The following SPAG16 variants were observed in gnomAD, a reference collection of about 807,000 sequenced individuals.
SPAG16 encodes sperm-associated antigen 16 protein.
In SPAG16, 86 loss-of-function variants were observed where a neutral mutation model predicts 80.4. The ratio of observed to expected loss-of-function variants is 1.07; its 90% CI spans 0.90 to 1.28. SPAG16 has a LOEUF of 1.28. SPAG16 is among the 50% of genes most tolerant of loss of function. The pLI is 0.00. For missense variants in SPAG16, 870 were observed against 765.3 expected (o/e 1.14, Z -1.61); for synonymous variants, 294 against 265.9 (o/e 1.11, Z -1.03).
chr2:213,285,904 C>A (rs1024701852), intron 1 of SPAG16: 1 of 1,289,340 alleles, frequency 7.8e-7, no homozygotes, highest in Non-Finnish European at 1.0e-6. Flanking sequence ...TATCCAGTGC[C>A]CTTGCTACTG....
At chr2:213,601,537 C>T (rs1040611523) in intron 10 of SPAG16, among the ~76,000 whole-genome samples, 4 of 152,018 alleles carry the variant, frequency 2.6e-5, no homozygotes, top group African/African-American at 9.7e-5. Flanking sequence ...ATCTACAAAC[C>T]AACATGAATG....
chr2:213,483,226 C>T (rs935840342), intron 9 of SPAG16, among the ~76,000 whole-genome samples: 6 of 152,004 alleles, frequency 3.9e-5, no homozygotes, highest in Non-Finnish European at 5.9e-5. Flanking sequence ...GTTTCTAGTC[C>T]TTCACTATAA....
chr2:213,839,549 C>G (rs1031901728), intron 10 of SPAG16, among the ~76,000 whole-genome samples: 1 of 152,104 alleles, frequency 6.6e-6, no homozygotes, highest in Non-Finnish European at 1.5e-5. Flanking sequence ...AAGTTGCAAA[C>G]TTTGAAAACA....
Position 214,247,368 on chromosome 2 carries a change from C to T in SPAG16, c.1720+98102C>T, listed in dbSNP as rs144178060. On this transcript the variant is annotated intron_variant, in intron 15 of 15. Coordinates refer to ENST00000331683, the MANE Select transcript of SPAG16 (RefSeq NM_024532.5). Reference sequence around the variant, plus strand: ...TTGTTTTATATTCTGTTTTTACATACTGGATTAGTGTGGATATCTAGAATG... The same window carrying T: ...TTGTTTTATATTCTGTTTTTACATATTGGATTAGTGTGGATATCTAGAATG... 3.3e-3 allele frequency among the ~76,000 whole-genome samples: 497 copies of T among 152,040 alleles called. 1 individual carries two copies. Among genetic ancestry groups the T allele is most frequent in the African/African-American group, 0.012 (481 of 41,462 alleles).
intron 11 of SPAG16, among the ~76,000 whole-genome samples, chr2:213,863,250 A>G (rs966048694): frequency 1.1e-4 from 16 of 152,076 alleles, no homozygotes; most frequent in Non-Finnish European, 2.4e-4. Flanking sequence ...TTTTCTGCTC[A>G]TCATACTTCT....
intron 10 of SPAG16, among the ~76,000 whole-genome samples, chr2:213,760,925 G>A (rs542090124): frequency 2.0e-5 from 3 of 152,244 alleles, no homozygotes; most frequent in Admixed American, 6.5e-5. Context: ...TAACTACCCC[G>A]CTACTTCAAT....
At chr2:214,063,711 T>C (rs2050394656) in intron 13 of SPAG16, among the ~76,000 whole-genome samples, 1 of 152,224 alleles carries the variant, frequency 6.6e-6, no homozygotes. Flanking sequence ...GCTTCCTCCA[T>C]ATATAAACAT....
chr2:214,063,111 A>C (rs1393221942), intron 13 of SPAG16, among the ~76,000 whole-genome samples: 2 of 152,200 alleles, frequency 1.3e-5, no homozygotes, highest in Non-Finnish European at 2.9e-5. Flanking sequence ...CACAGCCTTA[A>C]AAATCAGAAA....
intron 11 of SPAG16, among the ~76,000 whole-genome samples, chr2:213,890,728 AATTAT>A (rs1334641458): frequency 3.3e-5 from 5 of 151,976 alleles, no homozygotes; most frequent in Non-Finnish European, 7.4e-5. Flanking sequence ...TTTCTTGCAT[AATTAT>A]ATTCAGTTTG....
At chr2:214,280,947 G>T in intron 15 of SPAG16, 1 of 447,308 alleles carries the variant, frequency 2.2e-6, no homozygotes, top group Non-Finnish European at 4.3e-6. Flanking sequence ...GTGTACTTCT[G>T]CATTAAATTC....
At chr2:214,092,916 CA>C (rs71399109) in intron 13 of SPAG16, among the ~76,000 whole-genome samples, 13,194 of 152,126 alleles carry the variant, frequency 0.087, 744 homozygotes, top group East Asian at 0.28. Context: ...TTCTTCATCC[CA>C]GCAGCTCTTT....
chr2:213,965,758 C>T (rs2044679539), intron 12 of SPAG16, among the ~76,000 whole-genome samples: 1 of 152,166 alleles, frequency 6.6e-6, no homozygotes, highest in South Asian at 2.1e-4. Context: ...TAAAGTCAGC[C>T]TCCTTGGGGA....
At chr2:214,124,571 G>C (rs2054382915) in intron 14 of SPAG16, among the ~76,000 whole-genome samples, 1 of 151,802 alleles carries the variant, frequency 6.6e-6, no homozygotes, top group Non-Finnish European at 1.5e-5. Flanking sequence ...CACATAATTA[G>C]AGCAAAAATA....
At chr2:213,678,636 C>G (rs1574775387) in intron 10 of SPAG16, among the ~76,000 whole-genome samples, 1 of 152,296 alleles carries the variant, frequency 6.6e-6, no homozygotes, top group East Asian at 1.9e-4. Context: ...TTCACTTTCA[C>G]CCATTATCAG....
chr2:213,731,442 G>A (rs2067035698), intron 10 of SPAG16, among the ~76,000 whole-genome samples: 1 of 149,746 alleles, frequency 6.7e-6, no homozygotes, highest in African/African-American at 2.5e-5. Context: ...TTACAGGCGT[G>A]AGCCACCATG....
At chr2:213,742,607 C>CA (rs1325766812) in intron 10 of SPAG16, among the ~76,000 whole-genome samples, 1 of 140,116 alleles carries the variant, frequency 7.1e-6, no homozygotes. Context: ...GGCTGGAGTG[C>CA]GTGGCGCAAT....
intron 10 of SPAG16, among the ~76,000 whole-genome samples, chr2:213,855,651 GA>G (rs1285754649): frequency 2.6e-4 from 39 of 152,304 alleles, no homozygotes; most frequent in Non-Finnish European, 5.0e-4. Flanking sequence ...GAGACCGCAG[GA>G]AATTCACAAT....
intron 10 of SPAG16, among the ~76,000 whole-genome samples, chr2:213,845,820 C>T (rs2074594629): frequency 6.6e-6 from 1 of 152,170 alleles, no homozygotes; most frequent in South Asian, 2.1e-4. Flanking sequence ...TAACTGAACT[C>T]ACTCAGATGT....
At chr2:213,400,051 C>A (rs1474276380) in intron 9 of SPAG16, among the ~76,000 whole-genome samples, 1 of 151,934 alleles carries the variant, frequency 6.6e-6, no homozygotes, top group Non-Finnish European at 1.5e-5. Context: ...CTTCCCATCT[C>A]ACATCATTCT....
Sources: allele counts gnomAD v4.1 joint callset (sites outside exome capture counted in the v4.1 genomes callset), GRCh38; gene constraint gnomAD v4.1.1; transcripts MANE v1.5; gene names NCBI Gene and HGNC (gene_info 2026-07-23, HGNC 2026-07-21).